ANO3: variants seen among roughly 807,000 people sequenced by gnomAD.
ANO3 encodes anoctamin-3.
Under a neutral mutation model 144.8 loss-of-function variants are expected in ANO3, and 99 were observed. The ratio of observed to expected loss-of-function variants is 0.68; its 90% CI spans 0.58 to 0.81. The LOEUF (loss-of-function observed/expected upper bound fraction) is 0.81, where lower values mean the gene tolerates loss of function less well. Among genes scored for constraint, ANO3 ranks in the 30% least tolerant of loss-of-function variants. The pLI is 0.00. For synonymous variants in ANO3, 414 were observed against 392.6 expected, an observed-to-expected ratio of 1.05 and a Z score of -0.64; for missense variants, 905 against 1,202.2, an observed-to-expected ratio of 0.75 and a Z score of 3.66.
intron 4 of ANO3, among the ~76,000 whole-genome samples, chr11:26,502,997 G>A (rs563222366): frequency 6.6e-6 from 1 of 152,246 alleles, no homozygotes; most frequent in East Asian, 1.9e-4. Context: ...TTTGCAAAGT[G>A]TTCCTACTCA....
intron 20 of ANO3, among the ~76,000 whole-genome samples, chr11:26,638,125 G>A (rs1197849367): frequency 1.3e-5 from 2 of 152,068 alleles, no homozygotes; most frequent in Non-Finnish European, 2.9e-5. Context: ...TATAATATAG[G>A]TAGATACTTC....
In ANO3 at chr11:26,443,785, A is replaced by G; in HGVS notation, c.262A>G (p.Asn88Asp). 2 of 760,754 alleles carry G rather than the reference A, an allele frequency of 2.6e-6. No homozygotes were observed. Among genetic ancestry groups the G allele is most frequent in the Non-Finnish European group, 2.1e-6 (1 of 465,776 alleles). The allele number at this position is 760,754 out of a possible 1,614,324, so 47.1% of individuals were successfully genotyped here. Residue 88 changes from asparagine to aspartate, a missense_variant, in exon 3 of 27, where the codon AAC (asparagine) becomes GAC (aspartate). Coordinates refer to ENST00000256737, the MANE Select transcript of ANO3 (RefSeq NM_031418.4). ...AEQVNTEENK[N>D]DSVLRCSFAD... ...TTCAGTTAATACTGAGGAGAATAAA[A>G]ACGACTCTGTGCTGAGATGTTCATT...
chr11:26,206,377 C>T (rs1301730930), intron 1 of ANO3, among the ~76,000 whole-genome samples: 3 of 152,178 alleles, frequency 2.0e-5, no homozygotes, highest in African/African-American at 7.2e-5. Flanking sequence ...TGTAAATAAA[C>T]TTGCTATGTG....
chr11:26,360,635 T>C (rs1416440229), intron 1 of ANO3, among the ~76,000 whole-genome samples: 1 of 152,174 alleles, frequency 6.6e-6, no homozygotes, highest in East Asian at 1.9e-4. Flanking sequence ...CACCCAGCTT[T>C]CTATGGTGAA....
chr11:26,378,879 T>C (rs1856494779), intron 1 of ANO3, among the ~76,000 whole-genome samples: 1 of 145,198 alleles, frequency 6.9e-6, no homozygotes, highest in Non-Finnish European at 1.5e-5. Flanking sequence ...TCATTATAAG[T>C]CTTTAGGAGG....
At chr11:26,617,170 T>C (rs1358314812) in intron 17 of ANO3, among the ~76,000 whole-genome samples, 1 of 152,206 alleles carries the variant, frequency 6.6e-6, no homozygotes, top group Non-Finnish European at 1.5e-5. Context: ...TTCCAGTTGC[T>C]TCTTAAAGTC....
chr11:26,242,957 T>G (rs1852693031), intron 1 of ANO3, among the ~76,000 whole-genome samples: 1 of 152,192 alleles, frequency 6.6e-6, no homozygotes, highest in Non-Finnish European at 1.5e-5. Flanking sequence ...TGTTGATGTT[T>G]ATTGTATATC....
chr11:26,325,924 A>G (rs1402472091), intron 1 of ANO3, among the ~76,000 whole-genome samples: 2 of 152,166 alleles, frequency 1.3e-5, no homozygotes, highest in African/African-American at 4.8e-5. Context: ...CCTAGATCCA[A>G]GGAGGCAAAC....
chr11:26,210,175 A>G (rs541416976), intron 1 of ANO3, among the ~76,000 whole-genome samples: 4 of 152,220 alleles, frequency 2.6e-5, no homozygotes, highest in Admixed American at 2.6e-4. Flanking sequence ...AGGTGTAAGG[A>G]AGGGGTCCAA....
chr11:26,220,420 G>C (rs1211710874), intron 1 of ANO3, among the ~76,000 whole-genome samples: 1 of 152,172 alleles, frequency 6.6e-6, no homozygotes, highest in Non-Finnish European at 1.5e-5. Context: ...ACTGTCTCCA[G>C]CCTGTGGGCC....
intron 1 of ANO3, among the ~76,000 whole-genome samples, chr11:26,406,785 C>T (rs1208379659): frequency 2.0e-5 from 3 of 148,150 alleles, no homozygotes; most frequent in African/African-American, 5.0e-5. Context: ...TTTTCTTGTT[C>T]TGATTCACAC....
intron 1 of ANO3, among the ~76,000 whole-genome samples, chr11:26,256,582 T>C (rs1278003129): frequency 6.6e-6 from 1 of 152,134 alleles, no homozygotes; most frequent in Admixed American, 6.6e-5. Flanking sequence ...ACAGGCAATA[T>C]ACTTATTACT....
At chr11:26,508,736 AGAAAGAAGGAAAAGC>A (rs2134137698) in intron 5 of ANO3, 1 of 153,686 alleles carries the variant, frequency 6.5e-6, no homozygotes, top group South Asian at 2.1e-4. Flanking sequence ...GAAAAAAAAT[AGAAAGAAGGAAAAGC>A]GTATCCTCCA....
chr11:26,653,544 T>G (rs1034375917), intron 24 of ANO3, among the ~76,000 whole-genome samples: 4 of 152,146 alleles, frequency 2.6e-5, no homozygotes, highest in African/African-American at 9.7e-5. Context: ...TAGTGTCTTC[T>G]TATTTCACTC....
At chr11:26,346,464 T>C (rs568637481) in intron 1 of ANO3, among the ~76,000 whole-genome samples, 1 of 152,208 alleles carries the variant, frequency 6.6e-6, no homozygotes, top group Non-Finnish European at 1.5e-5. Context: ...TCAAAAAGAC[T>C]CTCATTGCAT....
At chr11:26,548,193 G>A (rs1198420186) in intron 12 of ANO3, among the ~76,000 whole-genome samples, 5 of 151,894 alleles carry the variant, frequency 3.3e-5, no homozygotes, top group Non-Finnish European at 5.9e-5. Flanking sequence ...ATATGGAATG[G>A]TAGTGAAATC....
At chr11:26,525,719 C>T (rs994578579) in intron 7 of ANO3, 40 bp downstream of exon 7, 6 of 1,528,488 alleles carry the variant, frequency 3.9e-6, no homozygotes, top group African/African-American at 2.8e-5. Flanking sequence ...ACAAATTTGT[C>T]GTTTTGAAAA....
intron 4 of ANO3, among the ~76,000 whole-genome samples, chr11:26,483,201 TC>T (rs1454536536): frequency 2.6e-5 from 4 of 152,152 alleles, no homozygotes; most frequent in Admixed American, 2.6e-4. Flanking sequence ...CTGTAAACGT[TC>T]CCTTTTCTCT....
At chr11:26,552,547 G>A (rs887972673) in intron 12 of ANO3, among the ~76,000 whole-genome samples, 5 of 152,032 alleles carry the variant, frequency 3.3e-5, no homozygotes, top group Non-Finnish European at 7.4e-5. Context: ...TGAGTCTGAG[G>A]CTCTTCGGAA....
Sources: gnomAD v4.1 joint callset for allele counts (sites outside exome capture counted in the v4.1 genomes callset) on GRCh38, gnomAD v4.1.1 for gene constraint, MANE v1.5 for transcripts, NCBI Gene and HGNC (gene_info 2026-07-23, HGNC 2026-07-21) for gene names.